The following DPP10 variants were observed in gnomAD, a reference collection of about 807,000 sequenced individuals.
DPP10 encodes inactive dipeptidyl peptidase 10.
DPP10 carries 33 observed loss-of-function variants against 120.9 expected under a neutral mutation model. The observed-to-expected ratio is 0.27, with a 90% CI of 0.21 to 0.37. The LOEUF (loss-of-function observed/expected upper bound fraction) is 0.37. DPP10 is among the 10% of genes least tolerant of loss of function. DPP10 has a pLI of 1.00. For synonymous variants in DPP10, 337 were observed against 326.1 expected, an observed-to-expected ratio of 1.03 and a Z score of -0.36; for missense variants, 816 against 942.8, an observed-to-expected ratio of 0.87 and a Z score of 1.76.
intron 1 of DPP10, among the ~76,000 whole-genome samples, chr2:115,156,782 A>G (rs1196699343): frequency 6.6e-6 from 1 of 152,194 alleles, no homozygotes; most frequent in African/African-American, 2.4e-5. Context: ...CATTATCTCA[A>G]AAGGACAAAT....
At chr2:114,493,053 G>A (rs778883180) in intron 1 of DPP10, among the ~76,000 whole-genome samples, 1 of 152,154 alleles carries the variant, frequency 6.6e-6, no homozygotes, top group Non-Finnish European at 1.5e-5. Context: ...ACAGTTTGTA[G>A]TGCCAAGTAG....
intron 1 of DPP10, among the ~76,000 whole-genome samples, chr2:115,250,782 A>G (rs1002809945): frequency 2.0e-4 from 30 of 152,190 alleles, no homozygotes; most frequent in Non-Finnish European, 1.9e-4. Context: ...GTCTTCTTTG[A>G]TAACTTACTT....
At chr2:114,803,831 A>T (rs1341905239) in intron 1 of DPP10, among the ~76,000 whole-genome samples, 1 of 152,208 alleles carries the variant, frequency 6.6e-6, no homozygotes, top group East Asian at 1.9e-4. Context: ...AGAAAAGAAA[A>T]ACTCATTTTC....
intron 1 of DPP10, among the ~76,000 whole-genome samples, chr2:114,883,498 T>C (rs1691814523): frequency 6.6e-6 from 1 of 152,196 alleles, no homozygotes; most frequent in Non-Finnish European, 1.5e-5. Flanking sequence ...TGAATAAACA[T>C]ATTGTTAACC....
At chr2:115,298,315 G>T (rs971251106) in intron 1 of DPP10, among the ~76,000 whole-genome samples, 1 of 152,056 alleles carries the variant, frequency 6.6e-6, no homozygotes, top group Admixed American at 6.6e-5. Context: ...TAGATCAACC[G>T]TGTATGTAAC....
rs992493269 is a variant in DPP10, at chr2:115,326,654, T to C, written c.176-17163T>C. On this transcript the variant is annotated intron_variant, in intron 2 of 25. Transcript: ENST00000410059. Reference sequence around the variant, plus strand: ...GATATGAAGGTGGAAGACAGTGATATTGATGATACTGACCCTGTGTAGGCC... The same window carrying C: ...GATATGAAGGTGGAAGACAGTGATACTGATGATACTGACCCTGTGTAGGCC... Among the ~76,000 whole-genome samples the C allele has an allele frequency of 7.2e-5, 11 of 152,026 alleles. 1 individual carries two copies. In the East Asian group the frequency reaches 2.1e-3, roughly 29 times the overall value.
chr2:115,305,247 G>T (rs1184663730), intron 1 of DPP10, among the ~76,000 whole-genome samples: 1 of 151,980 alleles, frequency 6.6e-6, no homozygotes, highest in Non-Finnish European at 1.5e-5. Flanking sequence ...CTTGTCTAAG[G>T]CTGCTGCCCA....
At chr2:115,753,120 A>T in intron 10 of DPP10, 54 bp from the exon 11 acceptor site, 1 of 1,545,524 alleles carries the variant, frequency 6.5e-7, no homozygotes, top group Non-Finnish European at 8.8e-7. Context: ...TATTGTTGGT[A>T]CTATATCAAT....
chr2:115,020,162 A>G (rs963437784), intron 1 of DPP10, among the ~76,000 whole-genome samples: 1 of 152,222 alleles, frequency 6.6e-6, no homozygotes, highest in African/African-American at 2.4e-5. Flanking sequence ...CACACATCTC[A>G]ATACTAGCAT....
chr2:114,834,062 A>G (rs1002025427), intron 1 of DPP10: 2 of 151,964 alleles, frequency 1.3e-5, no homozygotes, highest in Non-Finnish European at 2.9e-5. Context: ...AGCCATATCT[A>G]CACACCTATG....
intron 1 of DPP10, chr2:114,461,702 C>T: frequency 1.0e-6 from 1 of 985,438 alleles, no homozygotes; most frequent in Non-Finnish European, 1.2e-6. Context: ...GATCAGCCGT[C>T]TGCACTTAAA....
chr2:115,535,367 G>A (rs2078751069), intron 5 of DPP10, among the ~76,000 whole-genome samples: 1 of 151,650 alleles, frequency 6.6e-6, no homozygotes, highest in African/African-American at 2.4e-5. Context: ...TATTAAATAG[G>A]GAATCCTTTC....
Position 114,521,811 on chromosome 2 carries a change from T to C in DPP10, c.60+78973T>C, listed in dbSNP as rs1305649318. Reference sequence around the variant, plus strand: ...TAGATACTATTATCCAAGGTTTTTTTTTTTTTTTTTTTTTGAGATGGAGTC... The same window carrying C: ...TAGATACTATTATCCAAGGTTTTTTCTTTTTTTTTTTTTTGAGATGGAGTC... On this transcript the variant is annotated intron_variant, in intron 1 of 25. Coordinates refer to ENST00000410059, the MANE Select transcript of DPP10 (RefSeq NM_020868.6). Among the ~76,000 whole-genome samples, 44 of 145,590 alleles carry C rather than the reference T, an allele frequency of 3.0e-4. 2 individuals are homozygous for C. The highest frequency in any genetic ancestry group is 3.6e-4 in the Non-Finnish European group (24 of 66,436).
chr2:115,228,514 C>T (rs2057561282), intron 1 of DPP10, among the ~76,000 whole-genome samples: 2 of 152,212 alleles, frequency 1.3e-5, no homozygotes, highest in South Asian at 4.1e-4. Context: ...CCCCTCCAGC[C>T]ACTACCACAC....
intron 5 of DPP10, among the ~76,000 whole-genome samples, chr2:115,535,455 C>G (rs996116900): frequency 2.6e-5 from 4 of 151,960 alleles, no homozygotes; most frequent in African/African-American, 9.7e-5. Flanking sequence ...GGGCTCTGTT[C>G]TGTTCCATTG....
chr2:115,310,413 A>G (rs543899968), intron 2 of DPP10, among the ~76,000 whole-genome samples: 2 of 152,302 alleles, frequency 1.3e-5, no homozygotes, highest in African/African-American at 4.8e-5. Context: ...CAATTGTTCC[A>G]GTGAGACACT....
At chr2:115,169,707 AG>A (rs2053172392) in intron 1 of DPP10, among the ~76,000 whole-genome samples, 1 of 152,172 alleles carries the variant, frequency 6.6e-6, no homozygotes, top group Non-Finnish European at 1.5e-5. Flanking sequence ...TTGAAATTTA[AG>A]AAAAGTTAGT....
At chr2:115,754,886 G>A (rs944448220) in intron 11 of DPP10, among the ~76,000 whole-genome samples, 24 of 152,022 alleles carry the variant, frequency 1.6e-4, no homozygotes, top group African/African-American at 5.5e-4. Context: ...CTTGTATACA[G>A]GTATCAAAAT....
chr2:115,009,847 C>T (rs1042006811), intron 1 of DPP10, among the ~76,000 whole-genome samples: 8 of 152,010 alleles, frequency 5.3e-5, no homozygotes, highest in African/African-American at 1.9e-4. Context: ...TATTCAATTA[C>T]CATGATGTAC....
Sources: gnomAD v4.1 joint callset for allele counts (sites outside exome capture counted in the v4.1 genomes callset) on GRCh38, gnomAD v4.1.1 for gene constraint, MANE v1.5 for transcripts, NCBI Gene and HGNC (gene_info 2026-07-23, HGNC 2026-07-21) for gene names.